The following AOAH variants were observed in gnomAD, a reference collection of about 807,000 sequenced individuals.
AOAH encodes the protein acyloxyacyl hydrolase.
AOAH carries 64 observed loss-of-function variants against 92.2 expected under a neutral mutation model. The observed-to-expected ratio is 0.69, with a 90% CI of 0.57 to 0.86. The LOEUF is 0.86. AOAH is among the 40% of genes least tolerant of loss of function. The pLI, the probability that AOAH is intolerant of heterozygous loss-of-function variation, is 0.00. For synonymous variants in AOAH, 263 were observed against 254.5 expected (o/e 1.03, Z -0.32); for missense variants, 656 against 694.6 (o/e 0.94, Z 0.62).
chr7:36,722,744 C>T (rs1454150766), intron 1 of AOAH, among the ~76,000 whole-genome samples: 2 of 151,722 alleles, frequency 1.3e-5, no homozygotes, highest in Admixed American at 6.6e-5. Flanking sequence ...ACCAGTGTGG[C>T]CAACATAGGG....
At chr7:36,515,134 ACACACCACACCCCTCACAACCC>A (rs1483324948) in intron 20 of AOAH, among the ~76,000 whole-genome samples, 1 of 139,588 alleles carries the variant, frequency 7.2e-6, no homozygotes, top group Non-Finnish European at 1.5e-5. Flanking sequence ...ACCCCCACAC[ACACACCACACCCCTCACAACCC>A]CACACCACAC....
At chr7:36,670,041 CT>C (rs1795816595) in intron 3 of AOAH, among the ~76,000 whole-genome samples, 1 of 151,670 alleles carries the variant, frequency 6.6e-6, no homozygotes, top group Non-Finnish European at 1.5e-5. Flanking sequence ...AGGGGAACCC[CT>C]GAGTTCTCAG....
Position 36,724,163 on chromosome 7 carries a change from C to A in AOAH, c.-15G>T. On this transcript the variant is annotated 5_prime_UTR_variant, in exon 1 of 21. Transcript: ENST00000617537. ...GGGGACTGCATCTCCGAGCTATGCACCCCAAGTGATCACCCGGCTTTGGAA... is the reference window on the plus strand; with the variant it reads ...GGGGACTGCATCTCCGAGCTATGCAACCCAAGTGATCACCCGGCTTTGGAA... The A allele has an allele frequency of 1.2e-6, 2 of 1,611,818 alleles. No homozygotes were observed. The highest frequency in any genetic ancestry group is 1.7e-5 in the Admixed American group (1 of 59,938).
chr7:36,530,340 A>T (rs751649792), intron 19 of AOAH, 78 bp downstream of exon 19: 2 of 1,021,274 alleles, frequency 2.0e-6, no homozygotes, highest in Non-Finnish European at 3.1e-6. Flanking sequence ...TGGCTTATAA[A>T]AGTATAAAAC....
chr7:36,555,300 C>T (rs1786619236), intron 13 of AOAH, among the ~76,000 whole-genome samples: 1 of 152,150 alleles, frequency 6.6e-6, no homozygotes, highest in South Asian at 2.1e-4. Flanking sequence ...TTGACTTGCG[C>T]ATACTGAACC....
At chr7:36,624,527 A>G (rs1583972784) in intron 6 of AOAH, among the ~76,000 whole-genome samples, 1 of 152,186 alleles carries the variant, frequency 6.6e-6, no homozygotes, top group African/African-American at 2.4e-5. Flanking sequence ...CTATGGCTCT[A>G]CAGCCTGTAT....
At chr7:36,558,662 AGCAAGCCTGG>A (rs1787008722) in intron 13 of AOAH, among the ~76,000 whole-genome samples, 1 of 152,240 alleles carries the variant, frequency 6.6e-6, no homozygotes, top group Non-Finnish European at 1.5e-5. Context: ...TGTTTACCTA[AGCAAGCCTGG>A]GCAATGGCGG....
In AOAH at chr7:36,708,699, C is replaced by G. The variant is rs148512031; in HGVS notation, c.127+15323G>C. On this transcript the variant is annotated intron_variant, in intron 1 of 20. Transcript: ENST00000617537. The stretch of plus-strand genomic sequence containing the variant: ...GTCTTATTTTTCTAAGAGTTGTTGT[C>G]TCTTCTTTTCTAGTAACTTTCTGGG... Among the ~76,000 whole-genome samples the G allele has an allele frequency of 2.2e-3, 338 of 152,120 alleles. 3 individuals are homozygous for G. Among genetic ancestry groups the G allele is most frequent in the African/African-American group, 7.9e-3 (328 of 41,492 alleles).
chr7:36,716,507 TAAAG>T (rs1160476622), intron 1 of AOAH, among the ~76,000 whole-genome samples: 1 of 149,428 alleles, frequency 6.7e-6, no homozygotes, highest in Non-Finnish European at 1.5e-5. Context: ...CATGCTGCTA[TAAAG>T]ACACATGCAC....
chr7:36,606,830 A>G (rs1029279922), intron 11 of AOAH, among the ~76,000 whole-genome samples: 1 of 152,186 alleles, frequency 6.6e-6, no homozygotes, highest in African/African-American at 2.4e-5. Context: ...ACATCTTTCT[A>G]AGTTGAGGTC....
rs1040549570 is a variant in AOAH, at chr7:36,521,913, T to C, written c.1599+126A>G. 8 of 772,760 alleles carry C rather than the reference T, an allele frequency of 1.0e-5. 1 individual carries two copies. In the African/African-American group the frequency reaches 1.2e-4, roughly 12 times the overall value. The allele number at this position is 772,760 out of a possible 1,614,324, so 47.9% of individuals were successfully genotyped here. Reference sequence around the variant, plus strand: ...TTAAATCTTCTATCCTATACATGTATGTACACTACCTCAAATCCTTTCTGG... The same window carrying C: ...TTAAATCTTCTATCCTATACATGTACGTACACTACCTCAAATCCTTTCTGG... On this transcript the variant is annotated intron_variant, in intron 20 of 20. Coordinates refer to ENST00000617537, the MANE Select transcript of AOAH (RefSeq NM_001637.4).
At chr7:36,595,754 A>G (rs1189865745) in intron 11 of AOAH, among the ~76,000 whole-genome samples, 1 of 152,210 alleles carries the variant, frequency 6.6e-6, no homozygotes, top group Non-Finnish European at 1.5e-5. Context: ...TTAAAAGCCA[A>G]TATTCCCTTT....
At chr7:36,561,193 C>T (rs141565928) in intron 13 of AOAH, among the ~76,000 whole-genome samples, 269 of 152,226 alleles carry the variant, frequency 1.8e-3, no homozygotes, top group African/African-American at 6.1e-3. Flanking sequence ...CAGCACCCAC[C>T]AGCATGCCCA....
At chr7:36,715,535 G>C (rs933167799) in intron 1 of AOAH, among the ~76,000 whole-genome samples, 17 of 151,132 alleles carry the variant, frequency 1.1e-4, no homozygotes, top group African/African-American at 3.6e-4. Flanking sequence ...TAAGCCAAAA[G>C]AACAAAGCTG....
At chr7:36,628,277 T>C (rs890785028) in intron 6 of AOAH, among the ~76,000 whole-genome samples, 2 of 152,096 alleles carry the variant, frequency 1.3e-5, no homozygotes, top group Admixed American at 1.3e-4. Context: ...ATAAAAAGAA[T>C]AGATTTTTAA....
chr7:36,684,906 C>CAAAAAAAAAAAAAAAAAAAAAAA (rs57827044), intron 2 of AOAH, among the ~76,000 whole-genome samples: 2 of 59,988 alleles, frequency 3.3e-5, no homozygotes, highest in Non-Finnish European at 5.7e-5. Context: ...GACCTTGTCT[C>CAAAAAAAAAAAAAAAAAAAAAAA]AAAAAAAAAA....
chr7:36,671,609 ATG>A (rs879658034), intron 3 of AOAH, among the ~76,000 whole-genome samples: 41 of 150,198 alleles, frequency 2.7e-4, no homozygotes, highest in Middle Eastern at 6.8e-3. Context: ...GTGTGTGTGT[ATG>A]TGTGTGTGCG....
intron 11 of AOAH, among the ~76,000 whole-genome samples, chr7:36,611,735 G>C (rs117528262): frequency 1.3e-5 from 2 of 152,186 alleles, no homozygotes; most frequent in South Asian, 2.1e-4. Context: ...CCTCATTAAC[G>C]ATCACCACTG....
chr7:36,645,989 G>A (rs910459994), intron 4 of AOAH, among the ~76,000 whole-genome samples: 14 of 151,874 alleles, frequency 9.2e-5, no homozygotes, highest in Non-Finnish European at 1.5e-4. Flanking sequence ...TATTCTCCAG[G>A]CAATACCTTT....
Sources: allele counts gnomAD v4.1 joint callset (sites outside exome capture counted in the v4.1 genomes callset), GRCh38; gene constraint gnomAD v4.1.1; transcripts MANE v1.5; gene names NCBI Gene and HGNC (gene_info 2026-07-23, HGNC 2026-07-21).